Variants in CPS1 observed in about 807,000 individuals in gnomAD.
CPS1 encodes carbamoyl-phosphate synthase [ammonia], mitochondrial.
A neutral mutation model predicts 174.6 loss-of-function variants in CPS1; 109 were observed. The observed-to-expected ratio is 0.62, with a 90% CI of 0.53 to 0.73. The LOEUF is 0.73. Among genes scored for constraint, CPS1 ranks in the 30% least tolerant of loss-of-function variants. The pLI is 0.00. For missense variants in CPS1, 1,689 were observed against 1,821.9 expected (o/e 0.93, Z 1.33); for synonymous variants, 637 against 632.0 (o/e 1.01, Z -0.12).
At chr2:210,579,822 G>A in intron 5 of CPS1, 52 bp downstream of exon 5, 1 of 1,434,640 alleles carries the variant, frequency 7.0e-7, no homozygotes. Context: ...GTGTGTGTGT[G>A]TGTGTGTGTG....
chr2:210,565,047 T>C (rs1225787197), intron 1 of CPS1, among the ~76,000 whole-genome samples: 1 of 151,554 alleles, frequency 6.6e-6, no homozygotes, highest in Non-Finnish European at 1.5e-5. Context: ...ATAAAAGTAA[T>C]ATGAGAATGG....
chr2:210,485,102 G>T (rs751497621), intron 1 of CPS1, among the ~76,000 whole-genome samples: 2 of 151,826 alleles, frequency 1.3e-5, no homozygotes, highest in African/African-American at 2.4e-5. Context: ...ATGGTGGCAG[G>T]CACCTGTAGT....
At chr2:210,634,882 A>G (rs1027993535) in intron 21 of CPS1, among the ~76,000 whole-genome samples, 6 of 152,150 alleles carry the variant, frequency 3.9e-5, no homozygotes, top group African/African-American at 1.4e-4. Flanking sequence ...GCTCTCAAAC[A>G]ATAGCCAATA....
rs556133749 is a variant in CPS1 at position 210,628,264 on chromosome 2, A to AT, written c.2688-9434dup. Among the ~76,000 whole-genome samples the AT allele has an allele frequency of 6.1e-4, 93 of 152,220 alleles. 1 individual carries two copies. The highest frequency in any genetic ancestry group is 2.1e-3 in the African/African-American group (87 of 41,536). ...TTTGCTTTCATGGATTTTAATGTGC[A>AT]TTTTCTATGTCTTCTTATGAAAAAC... On this transcript the variant is annotated intron_variant, in intron 21 of 37. Coordinates refer to ENST00000233072, the MANE Select transcript of CPS1 (RefSeq NM_001875.5).
At chr2:210,645,268 T>G (rs1168767031) in intron 25 of CPS1, among the ~76,000 whole-genome samples, 1 of 152,200 alleles carries the variant, frequency 6.6e-6, no homozygotes, top group Non-Finnish European at 1.5e-5. Context: ...ATTGATGGTC[T>G]CTGATTCTAG....
At chr2:210,601,624 C>T (rs1467425230) in intron 15 of CPS1, among the ~76,000 whole-genome samples, 1 of 151,958 alleles carries the variant, frequency 6.6e-6, no homozygotes, top group Non-Finnish European at 1.5e-5. Flanking sequence ...GGTGTAATTA[C>T]ATTCCCATTG....
intron 12 of CPS1, 68 bp downstream of exon 12, chr2:210,594,674 A>T: frequency 8.9e-7 from 1 of 1,128,856 alleles, no homozygotes; most frequent in South Asian, 1.2e-5. Flanking sequence ...GATTTTTAAA[A>T]ACTAAGTGAT....
intron 7 of CPS1, 29 bp downstream of exon 7, chr2:210,588,176 G>A (rs766500766): frequency 1.9e-6 from 3 of 1,589,716 alleles, no homozygotes; most frequent in South Asian, 2.2e-5. Context: ...TCAAAGGTGA[G>A]GGTTTGTCAT....
chr2:210,606,848 A>G lies in CPS1; in HGVS notation c.2099A>G (p.Gln700Arg). 1 of 1,612,686 alleles carries G rather than the reference A, an allele frequency of 6.2e-7. No homozygotes were observed. Among genetic ancestry groups the G allele is most frequent in the Non-Finnish European group, 8.5e-7 (1 of 1,179,134 alleles). The stretch of plus-strand genomic sequence containing the variant: ...GGCATTGTGGGTGAATGCAACATTC[A>G]GTTTGCCCTTCATCCTACCTCAATG... ...HLGIVGECNI[Q>R]FALHPTSMEY... Residue 700 changes from glutamine to arginine, a missense_variant, in exon 18 of 38, where the codon CAG becomes CGG. Physicochemically the swap from Gln to Arg is conservative, Grantham distance 43. Coordinates refer to ENST00000233072, the MANE Select transcript of CPS1 (RefSeq NM_001875.5).
At chr2:210,623,426 G>A (rs1253043659) in intron 21 of CPS1, among the ~76,000 whole-genome samples, 1 of 149,632 alleles carries the variant, frequency 6.7e-6, no homozygotes, top group Non-Finnish European at 1.5e-5. Flanking sequence ...GTTTCATGTG[G>A]TTTTTTTTTG....
At chr2:210,635,598 C>A (rs1234551242) in intron 21 of CPS1, among the ~76,000 whole-genome samples, 2 of 152,138 alleles carry the variant, frequency 1.3e-5, no homozygotes, top group African/African-American at 4.8e-5. Flanking sequence ...ATTTAAATAA[C>A]CACATGTGGC....
intron 1 of CPS1, among the ~76,000 whole-genome samples, chr2:210,509,103 C>G (rs530864148): frequency 2.0e-5 from 3 of 152,276 alleles, no homozygotes; most frequent in Non-Finnish European, 4.4e-5. Flanking sequence ...ACCAAGATCC[C>G]TGATGAACAT....
At chr2:210,564,380 AT>A (rs1008911514) in intron 1 of CPS1, among the ~76,000 whole-genome samples, 131 of 146,258 alleles carry the variant, frequency 9.0e-4, no homozygotes, top group Admixed American at 1.1e-3. Flanking sequence ...GTTAACAATG[AT>A]TTTTTTTTTT....
chr2:210,556,164 A>G (rs1390210338), upstream of CPS1, among the ~76,000 whole-genome samples: 1 of 152,030 alleles, frequency 6.6e-6, no homozygotes, highest in Admixed American at 6.6e-5. Flanking sequence ...CTTTTTACAA[A>G]TAGTAAAAAT....
intron 3 of CPS1, 183 bp from the exon 4 acceptor site, chr2:210,577,238 A>C (rs1697742373): frequency 3.2e-6 from 2 of 618,262 alleles, no homozygotes; most frequent in Non-Finnish European, 5.8e-6. Flanking sequence ...CAGGATAATT[A>C]ATGCAACAAT....
At chr2:210,653,486 A>G (rs1415889060) in intron 28 of CPS1, among the ~76,000 whole-genome samples, 3 of 152,214 alleles carry the variant, frequency 2.0e-5, no homozygotes, top group African/African-American at 7.2e-5. Context: ...TAGAAGTGGC[A>G]TAAGACAAAT....
At chr2:210,568,611 T>C (rs2106062978) in intron 1 of CPS1, among the ~76,000 whole-genome samples, 1 of 152,224 alleles carries the variant, frequency 6.6e-6, no homozygotes, top group East Asian at 1.9e-4. Flanking sequence ...TATTTTTAAT[T>C]GGAGTATTAT....
intron 1 of CPS1, among the ~76,000 whole-genome samples, chr2:210,521,970 T>G (rs533945048): frequency 1.3e-5 from 2 of 151,958 alleles, no homozygotes; most frequent in Non-Finnish European, 2.9e-5. Flanking sequence ...TGGATCTTGC[T>G]CTTATGACTT....
At chr2:210,597,882 A>C (rs925945691) in intron 13 of CPS1, among the ~76,000 whole-genome samples, 3 of 151,688 alleles carry the variant, frequency 2.0e-5, no homozygotes, top group Non-Finnish European at 4.4e-5. Context: ...ACATAGTTTT[A>C]TTTCTTTTAC....
Sources: allele counts gnomAD v4.1 joint callset (sites outside exome capture counted in the v4.1 genomes callset), GRCh38; gene constraint gnomAD v4.1.1; transcripts MANE v1.5; gene names NCBI Gene and HGNC (gene_info 2026-07-23, HGNC 2026-07-21).